Variants in GTF2H1 observed in about 807,000 individuals in gnomAD.
GTF2H1 encodes BTF2 p62.
Under a neutral mutation model 71.2 loss-of-function variants are expected in GTF2H1, and 16 were observed. The observed-to-expected ratio is 0.22, with a 90% CI of 0.15 to 0.34. The LOEUF (loss-of-function observed/expected upper bound fraction) is 0.34. GTF2H1 is among the 10% of genes least tolerant of loss of function. GTF2H1 has a pLI of 1.00. For synonymous variants in GTF2H1, 215 were observed against 219.0 expected (o/e 0.98, Z 0.16); for missense variants, 498 against 648.2 (o/e 0.77, Z 2.52).
chr11:18,347,477 G>T (rs567960219), intron 7 of GTF2H1, 111 bp from the exon 8 acceptor site: 4 of 609,952 alleles, frequency 6.6e-6, no homozygotes, highest in South Asian at 2.8e-5. Flanking sequence ...TTTAATGTTC[G>T]TGAGAAGTAA....
chr11:18,344,328 TTATAA>T (rs1361731485), intron 7 of GTF2H1, among the ~76,000 whole-genome samples: 1 of 151,916 alleles, frequency 6.6e-6, no homozygotes, highest in African/African-American at 2.4e-5. Context: ...GCAGTAATAA[TTATAA>T]TATAGGCCGG....
chr11:18,325,557 CT>C (rs1168049853), intron 1 of GTF2H1, among the ~76,000 whole-genome samples: 1 of 152,108 alleles, frequency 6.6e-6, no homozygotes, highest in East Asian at 1.9e-4. Flanking sequence ...CCTTATGAAG[CT>C]TGCAATCTGT....
rs114103986 is a variant in GTF2H1 at position 18,365,314 on chromosome 11, G to C, written c.1561-469G>C. On this transcript the variant is annotated intron_variant, in intron 14 of 14. Coordinates refer to ENST00000265963, the MANE Select transcript of GTF2H1 (RefSeq NM_005316.4). ...AACTGCTTGGACCTGTGAGGTGGAG[G>C]CTGCAGTGAGCCAAAATCACACCAT... Among the ~76,000 whole-genome samples, 1,308 of 152,140 alleles carry C rather than the reference G, an allele frequency of 8.6e-3. 12 individuals carry two copies. Among genetic ancestry groups the C allele is most frequent in the African/African-American group, 0.03 (1,259 of 41,504 alleles).
intron 7 of GTF2H1, among the ~76,000 whole-genome samples, chr11:18,346,494 A>G (rs1865296179): frequency 6.6e-6 from 1 of 152,178 alleles, no homozygotes; most frequent in South Asian, 2.1e-4. Flanking sequence ...CCCACTAACT[A>G]GTATTTAAGC....
chr11:18,347,819 C>G lies in GTF2H1; in HGVS notation c.966-13C>G. 6.3e-7 allele frequency: 1 copy of G among 1,593,512 alleles called. No individual in the cohort carries two copies. The highest frequency in any genetic ancestry group is 8.5e-7 in the Non-Finnish European group (1 of 1,170,384). On this transcript the variant is annotated splice_polypyrimidine_tract_variant and intron_variant, in intron 8 of 14. Coordinates refer to ENST00000265963, the MANE Select transcript of GTF2H1 (RefSeq NM_005316.4). ...GTTTTTAACGTTAACTTTTTTTTCC[C>G]CTTTATTTTAAGAGAAGCACAAAAT...
Position 18,341,391 on chromosome 11 carries a change from T to G in GTF2H1, c.738T>G (p.Cys246Trp), listed in dbSNP as rs1865152177. 1.9e-6 allele frequency: 3 copies of G among 1,613,918 alleles called. No homozygotes were observed. The highest frequency in any genetic ancestry group is 2.5e-6 in the Non-Finnish European group (3 of 1,179,940). ...NTGSKDLFAE[C>W]AKIDEKGLKT... Reference sequence around the variant, plus strand: ...GGTCAAAGGATCTCTTTGCAGAATGTGCCAAAATAGATGAAAAAGGTAACT... The same window carrying G: ...GGTCAAAGGATCTCTTTGCAGAATGGGCCAAAATAGATGAAAAAGGTAACT... The change falls in exon 6 of 15, where the codon TGT (cysteine) becomes TGG (tryptophan). Residue 246 changes from cysteine (C) to tryptophan (W), a missense_variant. Physicochemically the swap from Cys to Trp is radical, Grantham distance 215. Around this residue, in one of 3 missense-constraint regions of GTF2H1, gnomAD observed 216 missense variants for 306.2 expected, o/e 0.71. Transcript: ENST00000265963.
At chr11:18,352,818 A>G (rs1048364084) in intron 11 of GTF2H1, among the ~76,000 whole-genome samples, 1 of 152,224 alleles carries the variant, frequency 6.6e-6, no homozygotes, top group Non-Finnish European at 1.5e-5. Flanking sequence ...TTCGTACTTC[A>G]GTTGATCAGC....
At chr11:18,331,602 G>C (rs1864900034) in intron 1 of GTF2H1, among the ~76,000 whole-genome samples, 1 of 152,058 alleles carries the variant, frequency 6.6e-6, no homozygotes. Context: ...GGAGGCGAAG[G>C]TTGTGGTGAG....
intron 14 of GTF2H1, among the ~76,000 whole-genome samples, chr11:18,362,668 C>CTTT (rs35306497): frequency 2.8e-5 from 3 of 107,930 alleles, no homozygotes; most frequent in Non-Finnish European, 5.3e-5. Context: ...TTTTCTTTTT[C>CTTT]TTTTTTTTTT....
At chr11:18,364,622 G>T (rs1402213987) in intron 14 of GTF2H1, among the ~76,000 whole-genome samples, 1 of 152,046 alleles carries the variant, frequency 6.6e-6, no homozygotes, top group Non-Finnish European at 1.5e-5. Context: ...ATATGATCCT[G>T]TTGACTTCTA....
chr11:18,355,888 A>C (rs1167474878), intron 11 of GTF2H1, among the ~76,000 whole-genome samples: 1 of 152,146 alleles, frequency 6.6e-6, no homozygotes, highest in Non-Finnish European at 1.5e-5. Flanking sequence ...TCACCCCAGA[A>C]AGTCTACCCA....
intron 7 of GTF2H1, among the ~76,000 whole-genome samples, chr11:18,342,336 A>G (rs1347715264): frequency 1.5e-5 from 2 of 131,002 alleles, no homozygotes; most frequent in African/African-American, 5.9e-5. Context: ...ATCTTGGCTC[A>G]CTGCAACCTC....
intron 7 of GTF2H1, among the ~76,000 whole-genome samples, chr11:18,343,981 A>G (rs1358508557): frequency 6.6e-6 from 1 of 152,030 alleles, no homozygotes; most frequent in Non-Finnish European, 1.5e-5. Context: ...AGCACAGGCT[A>G]CCACACCTGG....
At chr11:18,344,939 C>T (rs1446703912) in intron 7 of GTF2H1, among the ~76,000 whole-genome samples, 1 of 152,046 alleles carries the variant, frequency 6.6e-6, no homozygotes, top group Non-Finnish European at 1.5e-5. Context: ...GGTGGGGTGG[C>T]TCATGCCTTT....
At chr11:18,360,578 G>T (rs755041120) in intron 13 of GTF2H1, 37 bp from the exon 14 acceptor site, 2 of 1,003,504 alleles carry the variant, frequency 2.0e-6, no homozygotes, top group African/African-American at 3.3e-5. Context: ...TACAGCTTGA[G>T]ATTTCTCTGT....
chr11:18,366,128 C>A lies in GTF2H1; in HGVS notation c.*259C>A. On this transcript the variant is annotated 3_prime_UTR_variant, in exon 15 of 15. Transcript: ENST00000265963. The stretch of plus-strand genomic sequence containing the variant: ...AAATATATATATATACACACACACA[C>A]ATATATGTACATGTGTATGTACATA... 2.1e-6 allele frequency: 1 copy of A among 466,448 alleles called. No homozygotes were observed. The highest frequency in any genetic ancestry group is 3.9e-6 in the Non-Finnish European group (1 of 259,254). 28.9% of individuals were successfully genotyped at this position (466,448 alleles called of 1,614,324 possible).
chr11:18,358,624 C>A lies in GTF2H1; in HGVS notation c.1451C>A (p.Pro484Gln), dbSNP rs1234676254. ...HFWSCFPVNTPFLEEKVVKMK... is the reference protein window; with the variant it reads ...HFWSCFPVNTQFLEEKVVKMK... ...TGGTCCTGCTTTCCTGTTAATACGC[C>A]ATTCCTAGAAGAAAAGGTTAGAACC... The change falls in exon 13 of 15, where the codon CCA (proline) becomes CAA (glutamine). Residue 484 changes from proline to glutamine, a missense_variant. Physicochemically the swap from Pro to Gln is moderately conservative, Grantham distance 76 (BLOSUM62 -1). Transcript: ENST00000265963. The A allele has an allele frequency of 6.3e-7, 1 of 1,599,066 alleles. No individual in the cohort carries two copies.
chr11:18,358,676 G>C, intron 13 of GTF2H1, 36 bp downstream of exon 13: 1 of 1,254,264 alleles, frequency 8.0e-7, no homozygotes, highest in East Asian at 2.3e-5. Flanking sequence ...AGATAATTGT[G>C]GTAGTGACTT....
intron 1 of GTF2H1, among the ~76,000 whole-genome samples, chr11:18,324,798 G>A (rs149420372): frequency 6.4e-4 from 98 of 152,208 alleles, no homozygotes; most frequent in African/African-American, 2.3e-3. Flanking sequence ...ACTCTTGTCA[G>A]CATGCAGTAT....
Sources: allele counts gnomAD v4.1 joint callset (sites outside exome capture counted in the v4.1 genomes callset), GRCh38; gene constraint gnomAD v4.1.1; regional missense constraint gnomAD v4.1.1; transcripts MANE v1.5; gene names NCBI Gene and HGNC (gene_info 2026-07-23, HGNC 2026-07-21).